The following RNGTT variants were observed in gnomAD, a reference collection of about 807,000 sequenced individuals.
RNGTT encodes the protein mRNA-capping enzyme.
Under a neutral mutation model 79.3 loss-of-function variants are expected in RNGTT, and 33 were observed. That is an observed-to-expected ratio of 0.42 (90% CI 0.32 to 0.56). The LOEUF (loss-of-function observed/expected upper bound fraction) is 0.56, where lower values mean the gene tolerates loss of function less well. Among genes scored for constraint, RNGTT ranks in the 20% least tolerant of loss-of-function variants. RNGTT has a pLI of 0.17. For synonymous variants in RNGTT, 222 were observed against 235.9 expected, an observed-to-expected ratio of 0.94 and a Z score of 0.54; for missense variants, 497 against 739.1, an observed-to-expected ratio of 0.67 and a Z score of 3.80.
intron 13 of RNGTT, among the ~76,000 whole-genome samples, chr6:88,739,807 A>G: frequency 7.2e-6 from 1 of 138,164 alleles, no homozygotes; most frequent in Non-Finnish European, 1.5e-5. Context: ...TATCTAAACT[A>G]ACATTGTTTA....
intron 12 of RNGTT, among the ~76,000 whole-genome samples, chr6:88,771,727 T>C (rs115790176): frequency 0.02 from 3,097 of 152,226 alleles, 114 homozygotes; most frequent in African/African-American, 0.069. Context: ...TTAACAATGT[T>C]CTGTAGTATT....
chr6:88,639,140 T>C (rs1773214626), intron 14 of RNGTT, among the ~76,000 whole-genome samples: 1 of 152,166 alleles, frequency 6.6e-6, no homozygotes, highest in South Asian at 2.1e-4. Flanking sequence ...TGAATAACTT[T>C]TTTTATTTTA....
At chr6:88,613,011 T>C (rs1197180337) in intron 15 of RNGTT, 129 bp from the exon 16 acceptor site, 3 of 825,840 alleles carry the variant, frequency 3.6e-6, no homozygotes, top group Non-Finnish European at 5.5e-6. Flanking sequence ...AGTGATGTGC[T>C]TCACATTGAA....
intron 14 of RNGTT, among the ~76,000 whole-genome samples, chr6:88,635,623 A>G (rs1458969323): frequency 6.6e-6 from 1 of 152,022 alleles, no homozygotes; most frequent in East Asian, 1.9e-4. Flanking sequence ...CTTAATTTCC[A>G]GATATGTAGA....
chr6:88,639,016 CT>C (rs1773208485), intron 14 of RNGTT, among the ~76,000 whole-genome samples: 1 of 151,998 alleles, frequency 6.6e-6, no homozygotes, highest in African/African-American at 2.4e-5. Flanking sequence ...GACTGTTACT[CT>C]GTTTTTTTCA....
intron 13 of RNGTT, among the ~76,000 whole-genome samples, chr6:88,720,945 C>T (rs915092385): frequency 2.1e-4 from 32 of 151,980 alleles, no homozygotes; most frequent in Non-Finnish European, 4.3e-4. Flanking sequence ...TTAGTTCAAA[C>T]TTTGGATGGT....
At chr6:88,929,387 C>A in intron 2 of RNGTT, 120 bp from the exon 3 acceptor site, 1 of 627,790 alleles carries the variant, frequency 1.6e-6, no homozygotes, top group Non-Finnish European at 2.8e-6. Flanking sequence ...TCTGTATGTA[C>A]TTTGCCCCTG....
intron 14 of RNGTT, among the ~76,000 whole-genome samples, chr6:88,676,817 G>GA (rs1303316800): frequency 6.6e-6 from 1 of 152,118 alleles, no homozygotes; most frequent in Non-Finnish European, 1.5e-5. Context: ...GATTCAGATG[G>GA]AAAAAAAGTA....
intron 13 of RNGTT, among the ~76,000 whole-genome samples, chr6:88,679,123 A>C (rs1187354351): frequency 6.6e-6 from 1 of 152,200 alleles, no homozygotes. Context: ...TGCACTGTAC[A>C]GGAGATAATA....
chr6:88,960,177 T>C lies in RNGTT; in HGVS notation c.64+3169A>G, dbSNP rs752387794. Among the ~76,000 whole-genome samples, 62 of 152,228 alleles carry C rather than the reference T, an allele frequency of 4.1e-4. 1 individual carries two copies. The highest frequency in any genetic ancestry group is 3.2e-4 in the Non-Finnish European group (22 of 68,048). ...TAAAATGGATGGTTTGCTACTCCCATGAGACTCTGCTTTTTAAGGGTAATA... is the reference window on the plus strand; with the variant it reads ...TAAAATGGATGGTTTGCTACTCCCACGAGACTCTGCTTTTTAAGGGTAATA... On this transcript the variant is annotated intron_variant, in intron 1 of 15. Transcript: ENST00000369485.
intron 6 of RNGTT, 114 bp downstream of exon 6, chr6:88,904,601 A>T (rs2127942466): frequency 8.0e-7 from 1 of 1,247,300 alleles, no homozygotes; most frequent in Non-Finnish European, 1.1e-6. Context: ...GGCTAGGATG[A>T]ATCATCTGAC....
At chr6:88,890,826 T>C (rs888612371) in intron 7 of RNGTT, among the ~76,000 whole-genome samples, 3 of 152,214 alleles carry the variant, frequency 2.0e-5, no homozygotes, top group Admixed American at 6.5e-5. Context: ...TGCTATGGTA[T>C]AATCACTGAG....
At chr6:88,922,310 G>A (rs1784187610) in intron 4 of RNGTT, among the ~76,000 whole-genome samples, 1 of 151,966 alleles carries the variant, frequency 6.6e-6, no homozygotes, top group African/African-American at 2.4e-5. Context: ...AATGTATAAA[G>A]ATCAAATCAG....
At chr6:88,916,236 G>A (rs1328050616) in intron 4 of RNGTT, among the ~76,000 whole-genome samples, 2 of 152,164 alleles carry the variant, frequency 1.3e-5, no homozygotes, top group Non-Finnish European at 2.9e-5. Flanking sequence ...GCACTTGGAG[G>A]CCAAGGCGGG....
At chr6:88,920,859 A>C (rs1420414358) in intron 4 of RNGTT, among the ~76,000 whole-genome samples, 1 of 152,186 alleles carries the variant, frequency 6.6e-6, no homozygotes, top group Non-Finnish European at 1.5e-5. Context: ...CAGGTTATAA[A>C]ATTTATAGAA....
At chr6:88,805,646 T>C (rs1779929603) in intron 11 of RNGTT, among the ~76,000 whole-genome samples, 1 of 152,082 alleles carries the variant, frequency 6.6e-6, no homozygotes, top group Non-Finnish European at 1.5e-5. Context: ...GAAGACCCAC[T>C]GAGGAAAACC....
At chr6:88,670,344 T>C (rs1484841441) in intron 14 of RNGTT, among the ~76,000 whole-genome samples, 3 of 152,190 alleles carry the variant, frequency 2.0e-5, no homozygotes, top group African/African-American at 7.2e-5. Context: ...CTTTGCTCCT[T>C]CAAATAATGA....
intron 8 of RNGTT, among the ~76,000 whole-genome samples, chr6:88,854,261 T>G (rs991574067): frequency 1.3e-5 from 2 of 152,098 alleles, no homozygotes; most frequent in Non-Finnish European, 2.9e-5. Context: ...CTTTTTTCAT[T>G]TCCTATAGAA....
intron 2 of RNGTT, among the ~76,000 whole-genome samples, chr6:88,940,367 T>C (rs1392386011): frequency 1.3e-5 from 2 of 152,006 alleles, no homozygotes. Flanking sequence ...GCATGAGCCA[T>C]GGCACCCAGC....
Sources: gnomAD v4.1 joint callset for allele counts (sites outside exome capture counted in the v4.1 genomes callset) on GRCh38, gnomAD v4.1.1 for gene constraint, MANE v1.5 for transcripts, NCBI Gene and HGNC (gene_info 2026-07-23, HGNC 2026-07-21) for gene names.